Variants in WASF2 observed in about 807,000 individuals in gnomAD.
The protein encoded by WASF2 is WASP family member 2.
Under a neutral mutation model 45.0 loss-of-function variants are expected in WASF2, and 14 were observed. The observed-to-expected ratio is 0.31, with a 90% CI of 0.21 to 0.49. The LOEUF is 0.49. WASF2 is among the 20% of genes least tolerant of loss of function. WASF2 has a pLI of 0.99. For missense variants in WASF2, 439 were observed against 636.1 expected (o/e 0.69, Z 3.33); for synonymous variants, 200 against 236.3 (o/e 0.85, Z 1.41).
Position 27,408,371 on chromosome 1 carries a change from G to A in WASF2, c.1340-25C>T, listed in dbSNP as rs749737987. ...CCTAGTGGCAAAGAGACAGAAGGGT[G>A]AGGAAGGCGTGTCCTCAGCCTTGGA... On this transcript the variant is annotated intron_variant, in intron 8 of 8. Coordinates refer to ENST00000618852, the MANE Select transcript of WASF2 (RefSeq NM_006990.5). The A allele has an allele frequency of 1.2e-5, 20 of 1,613,922 alleles. No homozygotes were observed. In the African/African-American group the frequency reaches 2.4e-4, roughly 19 times the overall value.
Position 27,406,771 on chromosome 1 carries a change from G to A in WASF2, c.*1418C>T, listed in dbSNP as rs1455113169. On this transcript the variant is annotated 3_prime_UTR_variant, in exon 9 of 9. Coordinates refer to ENST00000618852, the MANE Select transcript of WASF2 (RefSeq NM_006990.5). Reference sequence around the variant, plus strand: ...TGAGGGGAGCTGGAAACAGGACCTGGAGCCCCTCTGCCTTTCAGCCTGCTT... The same window carrying A: ...TGAGGGGAGCTGGAAACAGGACCTGAAGCCCCTCTGCCTTTCAGCCTGCTT... 2 of 152,270 alleles carry A rather than the reference G, an allele frequency of 1.3e-5. No individual in the cohort carries two copies. Among genetic ancestry groups the A allele is most frequent in the Non-Finnish European group, 2.9e-5 (2 of 68,128 alleles). The allele number at this position is 152,270 out of a possible 1,614,324, so 9.4% of individuals were successfully genotyped here.
At chr1:27,439,635 T>C (rs1327230541) in intron 1 of WASF2, among the ~76,000 whole-genome samples, 1 of 152,136 alleles carries the variant, frequency 6.6e-6, no homozygotes, top group Non-Finnish European at 1.5e-5. Context: ...AGAAGTTCAA[T>C]TATGACAATA....
Position 27,418,265 on chromosome 1 carries a change from T to C in WASF2, c.419+4A>G. 6.2e-7 allele frequency: 1 copy of C among 1,612,528 alleles called. No homozygotes were observed. The highest frequency in any genetic ancestry group is 8.5e-7 in the Non-Finnish European group (1 of 1,179,402). ...GAAAAAGGGAGGAACTAGCCAGCCA[T>C]TACCTGTAAGGGGTAAGATTGTTGA... On this transcript the variant is annotated splice_donor_region_variant and intron_variant, in intron 4 of 8. Coordinates refer to ENST00000618852, the MANE Select transcript of WASF2 (RefSeq NM_006990.5).
At chr1:27,466,981 G>A (rs972233133) in intron 1 of WASF2, among the ~76,000 whole-genome samples, 2 of 151,884 alleles carry the variant, frequency 1.3e-5, no homozygotes, top group Admixed American at 6.6e-5. Flanking sequence ...TTGGGAGACC[G>A]GGGCAGGCAG....
chr1:27,487,499 T>A (rs190817404), intron 1 of WASF2, among the ~76,000 whole-genome samples: 2 of 110,378 alleles, frequency 1.8e-5, no homozygotes, highest in Non-Finnish European at 3.4e-5. Context: ...TTATATAATA[T>A]TATAATATAT....
At chr1:27,478,029 A>G (rs1453008664) in intron 1 of WASF2, among the ~76,000 whole-genome samples, 1 of 151,826 alleles carries the variant, frequency 6.6e-6, no homozygotes, top group Non-Finnish European at 1.5e-5. Flanking sequence ...AAGCAGGTGG[A>G]TCACTTGAAA....
intron 1 of WASF2, among the ~76,000 whole-genome samples, chr1:27,454,187 A>ATATATTTTTTTTTTT (rs1469446976): frequency 7.8e-5 from 1 of 12,774 alleles, no homozygotes; most frequent in African/African-American, 2.1e-4. Context: ...ATATATATAT[A>ATATATTTTTTTTTTT]TTTTTTTTTT....
chr1:27,478,731 C>T (rs778052317), intron 1 of WASF2, among the ~76,000 whole-genome samples: 41 of 151,914 alleles, frequency 2.7e-4, no homozygotes, highest in Non-Finnish European at 4.4e-4. Flanking sequence ...TACAGGCATC[C>T]GTCACCACAC....
chr1:27,484,151 G>T lies in WASF2; in HGVS notation c.-44+5835C>A, dbSNP rs190268637. Among the ~76,000 whole-genome samples the T allele has an allele frequency of 8.5e-5, 13 of 152,172 alleles. No individual in the cohort carries two copies. The East Asian group carries it at 2.5e-3, about 29-fold the overall frequency. On this transcript the variant is annotated intron_variant, in intron 1 of 8. Coordinates refer to ENST00000618852, the MANE Select transcript of WASF2 (RefSeq NM_006990.5). Reference sequence around the variant, plus strand: ...CAGGCAGCTACTTGGTTTCTTAAAGGACAAAATTCCACAAATCCATGCTGT... The same window carrying T: ...CAGGCAGCTACTTGGTTTCTTAAAGTACAAAATTCCACAAATCCATGCTGT...
intron 2 of WASF2, among the ~76,000 whole-genome samples, chr1:27,424,233 C>A (rs1271346743): frequency 6.6e-6 from 1 of 152,120 alleles, no homozygotes; most frequent in African/African-American, 2.4e-5. Flanking sequence ...ACATATGAAC[C>A]CTTCCCTGCA....
Position 27,416,069 on chromosome 1 carries a change from T to C in WASF2, c.453A>G (p.Thr151=), listed in dbSNP as rs1314940619. ...DDGKEALKFY[T]DPSYFFDLWK... is the part of the protein sequence containing the mutation. ...AAAGATCAAAGAAGTATGAAGGGTC[T>C]GTGTAGAATTTGAGTGCCTCTTTTC... Residue 151 remains threonine, a synonymous_variant, in exon 5 of 9, where the codon ACA becomes ACG. Transcript: ENST00000618852. 7 of 1,614,026 alleles carry C rather than the reference T, an allele frequency of 4.3e-6. No homozygotes were observed. Among genetic ancestry groups the C allele is most frequent in the African/African-American group, 1.3e-5 (1 of 74,924 alleles).
At chr1:27,463,158 T>TA in intron 1 of WASF2, among the ~76,000 whole-genome samples, 1 of 152,184 alleles carries the variant, frequency 6.6e-6, no homozygotes, top group Non-Finnish European at 1.5e-5. Flanking sequence ...TCATATAAGG[T>TA]AAAACTGTCA....
intron 1 of WASF2, among the ~76,000 whole-genome samples, chr1:27,440,212 A>C (rs1357083377): frequency 6.6e-6 from 1 of 152,174 alleles, no homozygotes; most frequent in Non-Finnish European, 1.5e-5. Flanking sequence ...TGATTGAAAG[A>C]GGCATTACGA....
intron 1 of WASF2, among the ~76,000 whole-genome samples, chr1:27,438,960 C>T (rs1324626772): frequency 1.3e-5 from 2 of 152,216 alleles, no homozygotes; most frequent in East Asian, 3.8e-4. Flanking sequence ...GCACTCAAAG[C>T]ATGAGACTTA....
chr1:27,428,976 C>T, intron 1 of WASF2, 43 bp from the exon 2 acceptor site: 2 of 1,540,476 alleles, frequency 1.3e-6, no homozygotes, highest in Non-Finnish European at 1.8e-6. Context: ...ACCACAAATT[C>T]CAGGCACACT....
intron 1 of WASF2, among the ~76,000 whole-genome samples, chr1:27,478,040 C>T (rs1156630685): frequency 1.3e-5 from 2 of 151,104 alleles, no homozygotes; most frequent in Non-Finnish European, 2.9e-5. Flanking sequence ...TCACTTGAAA[C>T]CAGGAGTTCA....
rs562968279 is a variant in WASF2 at position 27,461,926 on chromosome 1, T to G, written c.-44+28060A>C. Among the ~76,000 whole-genome samples, 3 of 151,908 alleles carry G rather than the reference T, an allele frequency of 2.0e-5. No individual in the cohort carries two copies. In the East Asian group the frequency reaches 5.8e-4, roughly 30 times the overall value. On this transcript the variant is annotated intron_variant, in intron 1 of 8. Transcript: ENST00000618852. ...ATCCTCCCACCTTGGCCTCCCAAAGTGTGGAGATTACAGGTCTGAGCTACC... is the reference window on the plus strand; with the variant it reads ...ATCCTCCCACCTTGGCCTCCCAAAGGGTGGAGATTACAGGTCTGAGCTACC...
rs1042283433 is a variant in WASF2 at position 27,488,716 on chromosome 1, T to C, written c.-44+1270A>G. 3.3e-5 allele frequency among the ~76,000 whole-genome samples: 5 copies of C among 152,166 alleles called. 1 individual carries two copies. The highest frequency in any genetic ancestry group is 2.0e-4 in the Admixed American group (3 of 15,262). ...GACTGTCCCCATGCCAGAAGTCAAATCACATATCTGAGGCCAGACCTCTGC... is the reference window on the plus strand; with the variant it reads ...GACTGTCCCCATGCCAGAAGTCAAACCACATATCTGAGGCCAGACCTCTGC... On this transcript the variant is annotated intron_variant, in intron 1 of 8. Transcript: ENST00000618852.
chr1:27,426,376 A>C (rs1362590075), intron 2 of WASF2, among the ~76,000 whole-genome samples: 1 of 152,180 alleles, frequency 6.6e-6, no homozygotes, highest in Non-Finnish European at 1.5e-5. Flanking sequence ...TTTAGGTGAA[A>C]GTCAATGAAG....
Sources: gnomAD v4.1 joint callset for allele counts (sites outside exome capture counted in the v4.1 genomes callset) on GRCh38, gnomAD v4.1.1 for gene constraint, MANE v1.5 for transcripts, NCBI Gene and HGNC (gene_info 2026-07-23, HGNC 2026-07-21) for gene names.